The following KCNH5 variants were observed in gnomAD, a reference collection of about 807,000 sequenced individuals.
The protein encoded by KCNH5 is potassium voltage-gated channel subfamily H member 5.
Under a neutral mutation model 96.1 loss-of-function variants are expected in KCNH5, and 46 were observed. That is an observed-to-expected ratio of 0.48 (90% CI 0.38 to 0.61). The LOEUF is 0.61. KCNH5 is among the 20% of genes least tolerant of loss of function. KCNH5 has a pLI of 0.00. For missense variants in KCNH5, 907 were observed against 1,225.8 expected (o/e 0.74, Z 3.88); for synonymous variants, 439 against 449.8 (o/e 0.98, Z 0.30).
At chr14:62,734,217 C>A (rs1347277379) in intron 10 of KCNH5, among the ~76,000 whole-genome samples, 1 of 152,070 alleles carries the variant, frequency 6.6e-6, no homozygotes, top group Non-Finnish European at 1.5e-5. Flanking sequence ...AATCACCCGT[C>A]ATCATTCCAC....
chr14:62,911,969 C>T (rs142774391), intron 7 of KCNH5, among the ~76,000 whole-genome samples: 2,505 of 139,292 alleles, frequency 0.018, 32 homozygotes, highest in Admixed American at 0.026. Context: ...AACCGGGAGG[C>T]GGATGTTGCA....
rs1485392325 is a variant in KCNH5 at position 62,926,228 on chromosome 14, C to T, written c.1369+23905G>A. On this transcript the variant is annotated intron_variant, in intron 7 of 10. Transcript: ENST00000322893. ...AATTAGTGCTAAGATATTTGATAAGCTAGAAGTATACCTTCGTAGTTGCTC... is the reference window on the plus strand; with the variant it reads ...AATTAGTGCTAAGATATTTGATAAGTTAGAAGTATACCTTCGTAGTTGCTC... Among the ~76,000 whole-genome samples the T allele has an allele frequency of 2.0e-5, 3 of 152,084 alleles. No individual in the cohort carries two copies. The East Asian group carries it at 5.8e-4, about 29-fold the overall frequency.
At position 62,877,602 on chromosome 14, in the gene KCNH5, A is replaced by C. The variant is rs1232261133; in HGVS notation, c.1370-27750T>G. Reference sequence around the variant, plus strand: ...AAAAAACACATGAAAAAATGCTCACAATCACTGGCCATCAGAGAAATGCAA... The same window carrying C: ...AAAAAACACATGAAAAAATGCTCACCATCACTGGCCATCAGAGAAATGCAA... On this transcript the variant is annotated intron_variant, in intron 7 of 10. Transcript: ENST00000322893. Among the ~76,000 whole-genome samples, 58 of 152,256 alleles carry C rather than the reference A, an allele frequency of 3.8e-4. 2 individuals carry two copies. Among genetic ancestry groups the C allele is most frequent in the Admixed American group, 5.2e-4 (8 of 15,284 alleles).
At chr14:62,908,782 A>ACTTTTTTTTTTT (rs71451284) in intron 7 of KCNH5, among the ~76,000 whole-genome samples, 1 of 23,712 alleles carries the variant, frequency 4.2e-5, no homozygotes, top group African/African-American at 1.8e-4. Context: ...TTTGCTTTGT[A>ACTTTTTTTTTTT]TTTTTTTTTT....
intron 8 of KCNH5, among the ~76,000 whole-genome samples, chr14:62,840,566 C>CTTTTTTTTTTTTTTTTT (rs71120238): frequency 7.2e-4 from 55 of 76,388 alleles, no homozygotes; most frequent in Non-Finnish European, 9.8e-4. Context: ...TCTTTTTTTT[C>CTTTTTTTTTTTTTTTTT]TTTTTTTTTT....
chr14:62,786,652 A>G (rs1397145437), intron 9 of KCNH5, among the ~76,000 whole-genome samples: 1 of 152,184 alleles, frequency 6.6e-6, no homozygotes, highest in East Asian at 1.9e-4. Flanking sequence ...TTACAAATTG[A>G]AGGTTTGTGG....
chr14:62,877,959 T>C (rs1888410170), intron 7 of KCNH5, among the ~76,000 whole-genome samples: 1 of 151,366 alleles, frequency 6.6e-6, no homozygotes, highest in Non-Finnish European at 1.5e-5. Context: ...TGTCCAACAA[T>C]GATAGACTGG....
At chr14:62,840,368 A>G (rs769092490) in intron 8 of KCNH5, among the ~76,000 whole-genome samples, 1 of 152,038 alleles carries the variant, frequency 6.6e-6, no homozygotes, top group Non-Finnish European at 1.5e-5. Context: ...GTCAAGAACC[A>G]TAAAAAGCAA....
intron 4 of KCNH5, among the ~76,000 whole-genome samples, chr14:62,991,450 G>A (rs970845186): frequency 1.3e-5 from 2 of 151,894 alleles, no homozygotes; most frequent in Non-Finnish European, 2.9e-5. Flanking sequence ...TGACTCAGAC[G>A]GACCAGAAGA....
chr14:62,865,072 T>G (rs1403110515), intron 7 of KCNH5, among the ~76,000 whole-genome samples: 1 of 152,128 alleles, frequency 6.6e-6, no homozygotes, highest in Non-Finnish European at 1.5e-5. Context: ...CATGCCTACT[T>G]ACAAGAAAAG....
intron 10 of KCNH5, among the ~76,000 whole-genome samples, chr14:62,778,220 C>A (rs900426366): frequency 6.6e-6 from 1 of 152,112 alleles, no homozygotes; most frequent in Non-Finnish European, 1.5e-5. Flanking sequence ...CCTCACACAC[C>A]CAGATCCTTA....
chr14:62,859,476 T>G (rs1235105604), intron 7 of KCNH5, among the ~76,000 whole-genome samples: 1 of 152,212 alleles, frequency 6.6e-6, no homozygotes, highest in Non-Finnish European at 1.5e-5. Flanking sequence ...TGAGGTCACC[T>G]GTTGGTGAGC....
At chr14:62,962,360 A>T (rs1216328238) in intron 6 of KCNH5, among the ~76,000 whole-genome samples, 2 of 152,198 alleles carry the variant, frequency 1.3e-5, no homozygotes, top group African/African-American at 4.8e-5. Flanking sequence ...GAAATCATTC[A>T]CTATCTCTGA....
chr14:62,918,414 T>C (rs530073970), intron 7 of KCNH5, among the ~76,000 whole-genome samples: 2 of 152,126 alleles, frequency 1.3e-5, no homozygotes, highest in East Asian at 3.9e-4. Context: ...AATAAATAAA[T>C]AGTTACTAAA....
In KCNH5 at chr14:62,705,816, G is replaced by A. The variant is rs926541497; in HGVS notation, c.*1692C>T. On this transcript the variant is annotated 3_prime_UTR_variant, in exon 11 of 11. Coordinates refer to ENST00000322893, the MANE Select transcript of KCNH5 (RefSeq NM_139318.5). ...GGGAGATAGAAAAGCTCATACAAAT[G>A]GGTATAATAGATCAAGATATCTCCT... The A allele has an allele frequency of 2.6e-4, 39 of 152,078 alleles. No individual in the cohort carries two copies. Among genetic ancestry groups the A allele is most frequent in the African/African-American group, 8.7e-4 (36 of 41,438 alleles). The allele number at this position is 152,078 out of a possible 1,614,324, so 9.4% of individuals were successfully genotyped here.
Position 63,045,259 on chromosome 14 carries a change from G to T in KCNH5, c.-73C>A. 1 of 1,202,318 alleles carries T rather than the reference G, an allele frequency of 8.3e-7. No individual in the cohort carries two copies. The highest frequency in any genetic ancestry group is 1.2e-6 in the Non-Finnish European group (1 of 815,576). 74.5% of individuals were successfully genotyped at this position (1,202,318 alleles called of 1,614,324 possible). On this transcript the variant is annotated 5_prime_UTR_variant, in exon 1 of 11. Coordinates refer to ENST00000322893, the MANE Select transcript of KCNH5 (RefSeq NM_139318.5). ...GATGCAGGCAAAGAAGGTGGAGGAA[G>T]AGGAGGAAAAGGTGGAAGAGAAGAT...
Position 62,757,002 on chromosome 14 carries a change from G to A in KCNH5, c.2019+22726C>T, listed in dbSNP as rs550772461. Among the ~76,000 whole-genome samples the A allele has an allele frequency of 2.6e-5, 4 of 152,186 alleles. No individual in the cohort carries two copies. In the East Asian group the frequency reaches 7.7e-4, roughly 29 times the overall value. On this transcript the variant is annotated intron_variant, in intron 10 of 10. Coordinates refer to ENST00000322893, the MANE Select transcript of KCNH5 (RefSeq NM_139318.5). ...AAGGAAACAATAAACAAAGTGAAGA[G>A]AAAACCCACAGAATTGGAGAAAATA...
intron 6 of KCNH5, among the ~76,000 whole-genome samples, chr14:62,964,055 T>C (rs4899103): frequency 0.43 from 64,661 of 151,956 alleles, 14,541 homozygotes; most frequent in African/African-American, 0.55. Context: ...GACTGTGAGA[T>C]ACATGAAGAA....
chr14:62,844,273 G>A (rs1018366100), intron 8 of KCNH5, among the ~76,000 whole-genome samples: 61 of 151,382 alleles, frequency 4.0e-4, no homozygotes, highest in African/African-American at 1.4e-3. Context: ...AAAAGGTAAG[G>A]TTTTAGACCT....
Sources: gnomAD v4.1 joint callset for allele counts (sites outside exome capture counted in the v4.1 genomes callset) on GRCh38, gnomAD v4.1.1 for gene constraint, MANE v1.5 for transcripts, NCBI Gene and HGNC (gene_info 2026-07-23, HGNC 2026-07-21) for gene names.